ADK: variants seen among roughly 807,000 people sequenced by gnomAD.
ADK encodes the protein adenosine kinase.
ADK carries 24 observed loss-of-function variants against 44.7 expected under a neutral mutation model. The observed-to-expected ratio is 0.54, with a 90% confidence interval of 0.39 to 0.76. The LOEUF (loss-of-function observed/expected upper bound fraction) is 0.76, where lower values mean the gene tolerates loss of function less well. Among genes scored for constraint, ADK ranks in the 30% least tolerant of loss-of-function variants. The pLI is 0.00. For missense variants in ADK, 321 were observed against 425.1 expected (o/e 0.76, Z 2.15); for synonymous variants, 128 against 142.6 (o/e 0.90, Z 0.73).
At chr10:74,708,253 C>T in intron 10 of ADK, 68 bp from the exon 11 acceptor site, 1 of 1,523,440 alleles carries the variant, frequency 6.6e-7, no homozygotes, top group South Asian at 1.1e-5. Flanking sequence ...ATATATTGGT[C>T]TGACCCAATA....
chr10:74,299,943 A>G (rs1471822019), intron 3 of ADK, among the ~76,000 whole-genome samples: 1 of 152,212 alleles, frequency 6.6e-6, no homozygotes, highest in Non-Finnish European at 1.5e-5. Context: ...AAATTTTTCT[A>G]AACAAGGAGA....
intron 3 of ADK, among the ~76,000 whole-genome samples, chr10:74,264,088 C>T (rs1218503496): frequency 6.6e-6 from 1 of 152,182 alleles, no homozygotes; most frequent in Non-Finnish European, 1.5e-5. Flanking sequence ...TGTTTAATAG[C>T]CACATGTAAC....
intron 1 of ADK, 56 bp downstream of exon 1, chr10:74,151,399 C>T: frequency 3.3e-6 from 5 of 1,533,760 alleles, no homozygotes; most frequent in Non-Finnish European, 4.4e-6. Flanking sequence ...AAGCCAGGGC[C>T]CACGTGGGGT....
At chr10:74,490,681 A>G (rs1324662991) in intron 6 of ADK, among the ~76,000 whole-genome samples, 2 of 152,142 alleles carry the variant, frequency 1.3e-5, no homozygotes, top group South Asian at 2.1e-4. Flanking sequence ...AAATACTTCA[A>G]TACCGTTCGT....
intron 1 of ADK, among the ~76,000 whole-genome samples, chr10:74,170,755 G>A (rs1217803161): frequency 2.7e-5 from 4 of 148,132 alleles, no homozygotes; most frequent in South Asian, 2.1e-4. Flanking sequence ...AGCCGAGATC[G>A]CGCCACTGCA....
intron 7 of ADK, among the ~76,000 whole-genome samples, chr10:74,569,859 C>T (rs1014478706): frequency 6.6e-6 from 1 of 152,150 alleles, no homozygotes; most frequent in African/African-American, 2.4e-5. Context: ...ATGCCTATGT[C>T]CTGAATGGTA....
chr10:74,391,409 T>C lies in ADK; in HGVS notation c.274-2732T>C, dbSNP rs185547419. Among the ~76,000 whole-genome samples the C allele has an allele frequency of 2.6e-5, 4 of 152,208 alleles. No homozygotes were observed. In the East Asian group the frequency reaches 7.7e-4, roughly 29 times the overall value. The stretch of plus-strand genomic sequence containing the variant: ...GAGAACTCTTCTATTCCTATTCCTC[T>C]ACTCCTTTCCCACTCACTCTCATAG... On this transcript the variant is annotated intron_variant, in intron 4 of 10. Transcript: ENST00000539909.
At chr10:74,464,438 C>G (rs1846279431) in intron 6 of ADK, among the ~76,000 whole-genome samples, 1 of 151,858 alleles carries the variant, frequency 6.6e-6, no homozygotes, top group Non-Finnish European at 1.5e-5. Context: ...TTGGTCCCAG[C>G]TACTTGGGAG....
chr10:74,275,485 G>C (rs1591971121), intron 3 of ADK, among the ~76,000 whole-genome samples: 2 of 152,184 alleles, frequency 1.3e-5, no homozygotes, highest in South Asian at 4.1e-4. Context: ...TCGGTAGAAA[G>C]TTCAGGGCCC....
At chr10:74,495,729 A>G (rs956625622) in intron 6 of ADK, among the ~76,000 whole-genome samples, 1 of 152,000 alleles carries the variant, frequency 6.6e-6, no homozygotes, top group Non-Finnish European at 1.5e-5. Flanking sequence ...TCCCTCCATT[A>G]TTCTGCAGAG....
At chr10:74,423,987 T>C in intron 6 of ADK, 1 of 159,546 alleles carries the variant, frequency 6.3e-6, no homozygotes, top group Non-Finnish European at 1.4e-5. Context: ...GTCCACCAGG[T>C]CGTGTGCTGT....
At chr10:74,236,253 AG>A (rs1351859525) in intron 3 of ADK, among the ~76,000 whole-genome samples, 3 of 152,236 alleles carry the variant, frequency 2.0e-5, no homozygotes, top group African/African-American at 7.2e-5. Context: ...TCAACCATAA[AG>A]CTAGGGACTA....
intron 7 of ADK, among the ~76,000 whole-genome samples, chr10:74,534,637 T>C (rs1849393576): frequency 6.6e-6 from 1 of 152,240 alleles, no homozygotes; most frequent in African/African-American, 2.4e-5. Flanking sequence ...CATGTAAAGT[T>C]TCAGCTTGGC....
intron 10 of ADK, among the ~76,000 whole-genome samples, chr10:74,701,898 C>T (rs543358729): frequency 2.1e-4 from 32 of 152,090 alleles, no homozygotes; most frequent in African/African-American, 7.7e-4. Flanking sequence ...GAGCTGAGAT[C>T]GTACCACTGC....
At chr10:74,466,370 C>T (rs1846357589) in intron 6 of ADK, among the ~76,000 whole-genome samples, 1 of 152,124 alleles carries the variant, frequency 6.6e-6, no homozygotes, top group African/African-American at 2.4e-5. Flanking sequence ...GATAGTTGAA[C>T]TACTAAATCT....
chr10:74,621,703 A>G (rs569314977), intron 9 of ADK, among the ~76,000 whole-genome samples: 68 of 151,990 alleles, frequency 4.5e-4, no homozygotes, highest in African/African-American at 7.2e-4. Context: ...TTTGGTTTCT[A>G]TTTCCTTTTG....
At chr10:74,568,504 C>T (rs1252177640) in intron 7 of ADK, among the ~76,000 whole-genome samples, 1 of 152,040 alleles carries the variant, frequency 6.6e-6, no homozygotes, top group Non-Finnish European at 1.5e-5. Flanking sequence ...GGATCTTGCA[C>T]AAGAAAGAAT....
intron 3 of ADK, among the ~76,000 whole-genome samples, chr10:74,313,719 A>G (rs1446218812): frequency 6.6e-6 from 1 of 151,430 alleles, no homozygotes. Flanking sequence ...TTTTTTTTCC[A>G]ACATTTCTCT....
chr10:74,279,228 C>T (rs961073068), intron 3 of ADK, among the ~76,000 whole-genome samples: 3 of 151,622 alleles, frequency 2.0e-5, no homozygotes, highest in African/African-American at 4.9e-5. Flanking sequence ...TGCAGTGATC[C>T]GAGATTGCGC....
Sources: gnomAD v4.1 joint callset for allele counts (sites outside exome capture counted in the v4.1 genomes callset) on GRCh38, gnomAD v4.1.1 for gene constraint, MANE v1.5 for transcripts, NCBI Gene and HGNC (gene_info 2026-07-23, HGNC 2026-07-21) for gene names.